PCDHA4: variants seen among roughly 807,000 people sequenced by gnomAD.
PCDHA4 encodes the protein protocadherin alpha 4.
Under a neutral mutation model 61.4 loss-of-function variants are expected in PCDHA4, and 49 were observed. That is an observed-to-expected ratio of 0.80 (90% CI 0.63 to 1.01). The LOEUF (loss-of-function observed/expected upper bound fraction) is 1.01. Ranked by LOEUF, PCDHA4 falls within the 50% of genes least tolerant of loss-of-function variation. The pLI, the probability that PCDHA4 is intolerant of heterozygous loss-of-function variation, is 0.00. For missense variants in PCDHA4, 1,254 were observed against 1,235.8 expected (o/e 1.01, Z -0.22); for synonymous variants, 590 against 550.3 (o/e 1.07, Z -1.01).
At chr5:140,880,233 T>C (rs1040125802) in intron 1 of PCDHA4, among the ~76,000 whole-genome samples, 1 of 152,046 alleles carries the variant, frequency 6.6e-6, no homozygotes, top group African/African-American at 2.4e-5. Context: ...TTTAAATTAG[T>C]GTATGTGCGT....
At chr5:140,876,935 C>G in intron 1 of PCDHA4, 1 of 1,613,746 alleles carries the variant, frequency 6.2e-7, no homozygotes, top group Non-Finnish European at 8.5e-7. Flanking sequence ...CAGAAGAACG[C>G]GCTGGTGTCC....
chr5:140,939,349 TA>T (rs1233387801), intron 1 of PCDHA4, among the ~76,000 whole-genome samples: 4 of 152,154 alleles, frequency 2.6e-5, no homozygotes, highest in Admixed American at 6.5e-5. Context: ...CATTTCAACT[TA>T]TGATTGCAAA....
intron 1 of PCDHA4, chr5:140,850,375 A>AT (rs2041561857): frequency 6.3e-7 from 1 of 1,597,746 alleles, no homozygotes; most frequent in Non-Finnish European, 8.6e-7. Context: ...GTGGGGCTGT[A>AT]CACGGGCGAG....
intron 1 of PCDHA4, among the ~76,000 whole-genome samples, chr5:140,846,369 CTTTCTTTTTTTT>C (rs1156484325): frequency 9.8e-6 from 1 of 102,192 alleles, no homozygotes; most frequent in Non-Finnish European, 2.0e-5. Flanking sequence ...TCTTTTCTTT[CTTTCTTTTTTTT>C]TTTTTTTTTT....
At chr5:140,855,343 C>A (rs2043435489) in intron 1 of PCDHA4, among the ~76,000 whole-genome samples, 1 of 149,746 alleles carries the variant, frequency 6.7e-6, no homozygotes, top group African/African-American at 2.5e-5. Context: ...ACGATTTTCC[C>A]AAGTCATGTG....
intron 1 of PCDHA4, chr5:140,875,832 C>A: frequency 1.2e-6 from 2 of 1,614,086 alleles, no homozygotes; most frequent in South Asian, 1.1e-5. Flanking sequence ...TCCATGTGGA[C>A]GTGGAGGTGA....
In PCDHA4 at chr5:140,836,794, C is replaced by G. The variant is rs2150270032; in HGVS notation, c.2385+27222C>G. 3.6e-6 allele frequency: 5 copies of G among 1,396,752 alleles called. 1 individual carries two copies. The East Asian group carries it at 9.2e-5, about 26-fold the overall frequency. The allele number at this position is 1,396,752 out of a possible 1,614,324, so 86.5% of individuals were successfully genotyped here. ...TTTTAAAACAATTAGTTCAATTGGT[C>G]TCCTTAAATTTTCTTTCATAATTTC... is the stretch of plus-strand genomic sequence containing the variant. On this transcript the variant is annotated intron_variant, in intron 1 of 3. Coordinates refer to ENST00000530339, the MANE Select transcript of PCDHA4 (RefSeq NM_018907.4).
chr5:140,941,191 T>TTTC (rs1487503403), intron 1 of PCDHA4, among the ~76,000 whole-genome samples: 199 of 93,252 alleles, frequency 2.1e-3, no homozygotes, highest in Middle Eastern at 0.015. Flanking sequence ...GCTTCTTTTT[T>TTTC]TTTCTTTCTT....
intron 1 of PCDHA4, chr5:140,927,386 C>T: frequency 6.2e-7 from 1 of 1,614,106 alleles, no homozygotes; most frequent in African/African-American, 1.3e-5. Flanking sequence ...AGCCTAAGCC[C>T]CAGTCAGCAC....
intron 1 of PCDHA4, among the ~76,000 whole-genome samples, chr5:140,952,174 A>T (rs1376987356): frequency 6.6e-6 from 1 of 152,096 alleles, no homozygotes; most frequent in Non-Finnish European, 1.5e-5. Flanking sequence ...CAGTTCCTGC[A>T]GCTGCTCTCA....
chr5:140,909,516 C>G (rs1213307040), intron 1 of PCDHA4, among the ~76,000 whole-genome samples: 1 of 152,152 alleles, frequency 6.6e-6, no homozygotes, highest in Non-Finnish European at 1.5e-5. Context: ...GAATCACAAC[C>G]CCTGCACATT....
rs560256618 is a variant in PCDHA4 at position 140,999,889 on chromosome 5, C to T, written c.2534-9738C>T. Among the ~76,000 whole-genome samples the T allele has an allele frequency of 2.0e-5, 3 of 152,292 alleles. No homozygotes were observed. In the East Asian group the frequency reaches 5.8e-4, roughly 29 times the overall value. ...TTACTGAAAATTAGCCCAGCTGTAG[C>T]TTGGGACACCAAACAGCCAAAAAAT... On this transcript the variant is annotated intron_variant, in intron 3 of 3. Coordinates refer to ENST00000530339, the MANE Select transcript of PCDHA4 (RefSeq NM_018907.4).
At chr5:140,967,301 G>T in intron 1 of PCDHA4, 2 of 1,612,148 alleles carry the variant, frequency 1.2e-6, no homozygotes, top group Middle Eastern at 1.7e-4. Flanking sequence ...CGACGTGGGC[G>T]CCAACTCAGT....
At chr5:140,822,017 G>A in intron 1 of PCDHA4, 8 of 1,614,172 alleles carry the variant, frequency 5.0e-6, no homozygotes, top group African/African-American at 2.7e-5. Flanking sequence ...CTGCAGAATG[G>A]CATTTTGTTT....
At chr5:140,849,840 AACG>A in intron 1 of PCDHA4, 4 of 1,598,334 alleles carry the variant, frequency 2.5e-6, no homozygotes, top group Non-Finnish European at 3.4e-6. Flanking sequence ...GGCCGACGTG[AACG>A]ACAACGCACC....
Position 140,927,187 on chromosome 5 carries a change from C to G in PCDHA4, c.2386-51762C>G, listed in dbSNP as rs558671063. 141 of 1,614,164 alleles carry G rather than the reference C, an allele frequency of 8.7e-5. 1 individual carries two copies. The South Asian group carries it at 1.5e-3, about 17-fold the overall frequency. The stretch of plus-strand genomic sequence containing the variant: ...AGCTGCCTGCGTCTTGACCTACGAC[C>G]TGGTGCTCGAGGACCCGCTGGAGCT... On this transcript the variant is annotated intron_variant, in intron 1 of 3. Transcript: ENST00000530339.
At chr5:140,833,830 T>C (rs186184470) in intron 1 of PCDHA4, among the ~76,000 whole-genome samples, 1 of 152,148 alleles carries the variant, frequency 6.6e-6, no homozygotes, top group East Asian at 1.9e-4. Context: ...CCTAAAAGAG[T>C]ACAGGATTTT....
intron 3 of PCDHA4, among the ~76,000 whole-genome samples, chr5:140,997,668 T>G (rs2097778117): frequency 6.7e-6 from 1 of 148,344 alleles, no homozygotes; most frequent in African/African-American, 2.5e-5. Flanking sequence ...ATTATACAGC[T>G]TGTGTGTGTG....
chr5:140,844,298 GT>G (rs141549111), intron 1 of PCDHA4, among the ~76,000 whole-genome samples: 3,056 of 149,412 alleles, frequency 0.02, 290 homozygotes, highest in Non-Finnish European at 0.031. Flanking sequence ...AAATTTGATA[GT>G]TTTCATATTC....
Sources: gnomAD v4.1 joint callset for allele counts (sites outside exome capture counted in the v4.1 genomes callset) on GRCh38, gnomAD v4.1.1 for gene constraint, MANE v1.5 for transcripts, NCBI Gene and HGNC (gene_info 2026-07-23, HGNC 2026-07-21) for gene names.